The following ATP13A2 variants were observed in gnomAD, a reference collection of about 807,000 sequenced individuals.
ATP13A2 encodes the protein ATPase cation transporting 13A2.
ATP13A2 carries 83 observed loss-of-function variants against 138.3 expected under a neutral mutation model. The ratio of observed to expected loss-of-function variants is 0.60; its 90% CI spans 0.50 to 0.72. The LOEUF is 0.72. Among genes scored for constraint, ATP13A2 ranks in the 30% least tolerant of loss-of-function variants. The probability of loss-of-function intolerance (pLI) is 0.00; values close to 1 mark genes in which losing one functional copy is unlikely to be tolerated. For missense variants in ATP13A2, 1,402 were observed against 1,606.4 expected, an observed-to-expected ratio of 0.87 and a Z score of 2.17; for synonymous variants, 663 against 699.0, an observed-to-expected ratio of 0.95 and a Z score of 0.81.
chr1:16,996,056 G>A lies in ATP13A2; in HGVS notation c.1462C>T (p.Leu488=). The A allele has an allele frequency of 6.2e-7, 1 of 1,614,114 alleles. No homozygotes were observed. The highest frequency in any genetic ancestry group is 8.5e-7 in the Non-Finnish European group (1 of 1,180,044). ...ATGCAGAAAATGCCCTGTCTCCGCA[G>A]TCGGCTCTGGGCGTAGAGCGTGCAC... is the stretch of plus-strand genomic sequence containing the variant. The part of the protein sequence containing the change: ...TVCTLYAQSR[L]RRQGIFCIHP... The change falls in exon 15 of 29, where the codon CTG becomes TTG. Residue 488 remains leucine, a synonymous_variant. Transcript: ENST00000326735.
In ATP13A2 at chr1:16,987,255, C is replaced by T. The variant is rs2076770201; in HGVS notation, c.2874G>A (p.Leu958=). 1 of 1,613,758 alleles carries T rather than the reference C, an allele frequency of 6.2e-7. No individual in the cohort carries two copies. Among genetic ancestry groups the T allele is most frequent in the African/African-American group, 1.3e-5 (1 of 75,036 alleles). ...VLILYTINTN[L]GDLQFLAIDL... ...CGATGGCCAGGAACTGCAGGTCACC[C>T]AGGTTGGTGTTGATCTGCCACAGGG... Residue 958 remains leucine (L), a synonymous_variant, in exon 26 of 29, where the codon CTG becomes CTA. Coordinates refer to ENST00000326735, the MANE Select transcript of ATP13A2 (RefSeq NM_022089.4).
chr1:16,992,822 T>G (rs2076983318), intron 16 of ATP13A2, among the ~76,000 whole-genome samples: 1 of 152,262 alleles, frequency 6.6e-6, no homozygotes, highest in South Asian at 2.1e-4. Flanking sequence ...TTGAGCTTGC[T>G]TGCTAGGGCT....
chr1:16,991,676 T>G, intron 20 of ATP13A2, 58 bp downstream of exon 20: 1 of 1,613,134 alleles, frequency 6.2e-7, no homozygotes, highest in Non-Finnish European at 8.5e-7. Context: ...GCCCCTCTTC[T>G]CTGCCAGGAA....
chr1:16,993,546 G>T (rs2100811904), intron 16 of ATP13A2, 83 bp downstream of exon 16: 5 of 1,357,476 alleles, frequency 3.7e-6, no homozygotes, highest in Non-Finnish European at 5.1e-6. Context: ...AGACCACCCT[G>T]AAAGATGGAG....
At position 17,011,335 on chromosome 1, in the gene ATP13A2, C is replaced by G. The variant is rs985928001; in HGVS notation, c.10+394G>C. Among the ~76,000 whole-genome samples the G allele has an allele frequency of 3.9e-5, 6 of 152,068 alleles. No individual in the cohort carries two copies. Among genetic ancestry groups the G allele is most frequent in the Non-Finnish European group, 8.8e-5 (6 of 67,996 alleles). ...AGCCCAGAGGGGTTGCCCAGAGGCC[C>G]GAGGATGCAGCCGTCTCCCCCACCT... On this transcript the variant is annotated intron_variant, in intron 1 of 28. Transcript: ENST00000326735. The surrounding 1 kb of genome is among the most constrained non-coding windows in gnomAD (Gnocchi z 7.3).
At chr1:17,003,654 G>C (rs538055958) in intron 6 of ATP13A2, among the ~76,000 whole-genome samples, 43 of 125,506 alleles carry the variant, frequency 3.4e-4, no homozygotes, top group African/African-American at 1.2e-3. Context: ...TGGTGAGCTT[G>C]TGTTTCTTTT....
intron 16 of ATP13A2, 134 bp from the exon 17 acceptor site, chr1:16,992,715 CTCAA>C: frequency 1.1e-6 from 1 of 872,798 alleles, no homozygotes; most frequent in Non-Finnish European, 1.8e-6. Flanking sequence ...GCCCGGTGGA[CTCAA>C]ATTCAAACTC....
rs754625890 is a variant in ATP13A2 at position 16,996,241 on chromosome 1, C to T, written c.1353+13G>A. On this transcript the variant is annotated intron_variant, in intron 14 of 28. Transcript: ENST00000326735. ...CTGCTGGCAGCACCCCCCACCCCAC[C>T]CCCAAGGCTTACCCGGTTTCGGTAG... 1 of 1,614,054 alleles carries T rather than the reference C, an allele frequency of 6.2e-7. No individual in the cohort carries two copies. Among genetic ancestry groups the T allele is most frequent in the African/African-American group, 1.3e-5 (1 of 74,936 alleles).
Position 16,986,539 on chromosome 1 carries a change from T to C in ATP13A2, c.3329A>G (p.Asn1110Ser), listed in dbSNP as rs758675397. The change falls in exon 28 of 29, where the codon AAC becomes AGC. Residue 1110 changes from asparagine (N) to serine (S), a missense_variant. Asn to Ser is a conservative substitution (Grantham distance 46). Coordinates refer to ENST00000326735, the MANE Select transcript of ATP13A2 (RefSeq NM_022089.4). This position sits in a 1 kb window ranked among gnomAD's most constrained non-coding sequence, Gnocchi z 6.9. ...CAGCTTGAAGCCGGTGTCAGTGATG[T>C]TCCTCAGCGCCAGCGGCCCCTGCAG... is the stretch of plus-strand genomic sequence containing the variant. ...GLLQGPLALRNITDTGFKLLL... is the reference protein window; with the variant it reads ...GLLQGPLALRSITDTGFKLLL... 38 of 1,612,436 alleles carry C rather than the reference T, an allele frequency of 2.4e-5. No homozygotes were observed. The African/African-American group carries it at 3.3e-4, about 14-fold the overall frequency.
At chr1:16,999,434 C>G (rs991419748) in intron 11 of ATP13A2, among the ~76,000 whole-genome samples, 2 of 146,740 alleles carry the variant, frequency 1.4e-5, no homozygotes, top group Non-Finnish European at 3.0e-5. Flanking sequence ...CACTGGGTGG[C>G]TGGCCATTTA....
At chr1:17,005,625 T>G (rs1022351370) in intron 2 of ATP13A2, 59 bp downstream of exon 2, 2 of 1,612,806 alleles carry the variant, frequency 1.2e-6, no homozygotes, top group African/African-American at 1.3e-5. Context: ...TTGGGGTGTC[T>G]GGGTGGGCCT....
rs201756175 is a variant in ATP13A2, at chr1:16,986,554, G to C, written c.3314C>G (p.Pro1105Arg). 1.9e-6 allele frequency: 3 copies of C among 1,612,386 alleles called. No individual in the cohort carries two copies. Among genetic ancestry groups the C allele is most frequent in the Non-Finnish European group, 2.5e-6 (3 of 1,179,834 alleles). ...GTCAGTGATGTTCCTCAGCGCCAGC[G>C]GCCCCTGCAGGAGGCCGGGGACCAG... ...LVLVPGLLQG[P>R]LALRNITDTG... The change falls in exon 28 of 29, where the codon CCG becomes CGG. Residue 1105 changes from proline (P) to arginine (R), a missense_variant. Physicochemically the swap from Pro to Arg is moderately radical, Grantham distance 103 (BLOSUM62 -2). Coordinates refer to ENST00000326735, the MANE Select transcript of ATP13A2 (RefSeq NM_022089.4). The surrounding 1 kb of genome is among the most constrained non-coding windows in gnomAD (Gnocchi z 6.9).
At position 16,987,046 on chromosome 1, in the gene ATP13A2, C is replaced by A; in HGVS notation, c.3083G>T (p.Trp1028Leu). The A allele has an allele frequency of 6.2e-7, 1 of 1,613,466 alleles. No individual in the cohort carries two copies. Among genetic ancestry groups the A allele is most frequent in the Non-Finnish European group, 8.5e-7 (1 of 1,179,958 alleles). The change falls in exon 26 of 29, where the codon TGG becomes TTG. Residue 1028 changes from tryptophan (W) to leucine (L), a missense_variant and splice_region_variant. Trp to Leu is a moderately conservative substitution (Grantham distance 61). Transcript: ENST00000326735. ...GGTGGTCAGTCAGCTCCCTACTCAC[C>A]ATGGCTGGGCCAGGGTCAGGAAGTA... ...GGYFLTLAQP[W>L]FVPLNRTVAA...
At position 16,995,868 on chromosome 1, in the gene ATP13A2, A is replaced by G. The variant is rs2077100260; in HGVS notation, c.1542+108T>C. ...CTGGGGGTTTCCATCCCTAGACAGG[A>G]CCTGGCATCCTGTGGGTGCTGCTGA... On this transcript the variant is annotated intron_variant, in intron 15 of 28. Transcript: ENST00000326735. This position sits in a 1 kb window ranked among gnomAD's most constrained non-coding sequence, Gnocchi z 4.1. 1 of 1,375,526 alleles carries G rather than the reference A, an allele frequency of 7.3e-7. No individual in the cohort carries two copies. Among genetic ancestry groups the G allele is most frequent in the South Asian group, 1.2e-5 (1 of 81,562 alleles). 85.2% of individuals were successfully genotyped at this position (1,375,526 alleles called of 1,614,324 possible). A position where few individuals can be genotyped will look rare whatever the true frequency, so the allele number is the denominator to read the frequency against.
chr1:17,004,293 C>A lies in ATP13A2; in HGVS notation c.557+39G>T. On this transcript the variant is annotated intron_variant, in intron 6 of 28. Transcript: ENST00000326735. This position sits in a 1 kb window ranked among gnomAD's most constrained non-coding sequence, Gnocchi z 4.1. The stretch of plus-strand genomic sequence containing the variant: ...CGTCTGTGCCCAAACCAGTGCCACT[C>A]TGGGAGGTGACATGAGCCACACAGG... 1.2e-6 allele frequency: 2 copies of A among 1,600,898 alleles called. No individual in the cohort carries two copies. The highest frequency in any genetic ancestry group is 1.1e-5 in the South Asian group (1 of 89,628).
rs754844359 is a variant in ATP13A2 at position 17,004,702 on chromosome 1, C to G, written c.467G>C (p.Ser156Thr). ...AQLHKSEEAV[S>T]VGQKRVLRYY... Reference sequence around the variant, plus strand: ...TTTTTCAGAACCCACCTGTCCGACACTCACCGCCTCCTCGCTCTTGTGGAG... The same window carrying G: ...TTTTTCAGAACCCACCTGTCCGACAGTCACCGCCTCCTCGCTCTTGTGGAG... The change falls in exon 5 of 29, where the codon AGT becomes ACT. Residue 156 changes from serine to threonine, a missense_variant. Physicochemically the swap from Ser to Thr is moderately conservative, Grantham distance 58. Coordinates refer to ENST00000326735, the MANE Select transcript of ATP13A2 (RefSeq NM_022089.4). This position sits in a 1 kb window ranked among gnomAD's most constrained non-coding sequence, Gnocchi z 4.1. 2.5e-6 allele frequency: 4 copies of G among 1,614,106 alleles called. No individual in the cohort carries two copies. Among genetic ancestry groups the G allele is most frequent in the Non-Finnish European group, 3.4e-6 (4 of 1,180,032 alleles).
At chr1:17,007,979 G>A (rs892343349) in intron 1 of ATP13A2, among the ~76,000 whole-genome samples, 10 of 152,192 alleles carry the variant, frequency 6.6e-5, no homozygotes, top group Admixed American at 2.0e-4. Context: ...AGGGCTCACT[G>A]TGCACAGGGT....
In ATP13A2 at chr1:17,000,053, G is replaced by A. The variant is rs1570854476; in HGVS notation, c.997C>T (p.Leu333=). The A allele has an allele frequency of 3.7e-6, 6 of 1,613,094 alleles. No homozygotes were observed. Among genetic ancestry groups the A allele is most frequent in the South Asian group, 2.2e-5 (2 of 91,006 alleles). ...EGGLMPCDAA[L]VAGECMVNES... is the part of the protein sequence containing the mutation. Reference sequence around the variant, plus strand: ...TTCACCATGCACTCGCCGGCCACCAGGGCGGCATCACAGGGCATCAGCCCA... The same window carrying A: ...TTCACCATGCACTCGCCGGCCACCAAGGCGGCATCACAGGGCATCAGCCCA... The change falls in exon 11 of 29, where the codon CTG becomes TTG. Residue 333 remains leucine (L), a synonymous_variant. Coordinates refer to ENST00000326735, the MANE Select transcript of ATP13A2 (RefSeq NM_022089.4).
chr1:16,992,302 G>C lies in ATP13A2; in HGVS notation c.1946C>G (p.Pro649Arg). 2 of 1,612,484 alleles carry C rather than the reference G, an allele frequency of 1.2e-6. No homozygotes were observed. The highest frequency in any genetic ancestry group is 1.7e-6 in the Non-Finnish European group (2 of 1,179,794). Reference protein sequence around the residue: ...VVVAWPGATQPEAYVKGSPEL... With the variant: ...VVVAWPGATQREAYVKGSPEL... Reference sequence around the variant, plus strand: ...CGGGGAGCCTTTGACGTAGGCCTCGGGCTGAGTGGCCCCTGGCCACGCCAC... The same window carrying C: ...CGGGGAGCCTTTGACGTAGGCCTCGCGCTGAGTGGCCCCTGGCCACGCCAC... Residue 649 changes from proline to arginine, a missense_variant, in exon 18 of 29, where the codon CCC becomes CGC. Pro to Arg is a moderately radical substitution (Grantham distance 103). Coordinates refer to ENST00000326735, the MANE Select transcript of ATP13A2 (RefSeq NM_022089.4).
Sources: gnomAD v4.1 joint callset for allele counts (sites outside exome capture counted in the v4.1 genomes callset) on GRCh38, gnomAD v4.1.1 for gene constraint, Gnocchi (gnomAD v3.1) non-coding constraint, MANE v1.5 for transcripts, NCBI Gene and HGNC (gene_info 2026-07-23, HGNC 2026-07-21) for gene names.